NAV3: variants seen among roughly 807,000 people sequenced by gnomAD.
The protein encoded by NAV3 is neuron navigator 3, also known as pore membrane and/or filament interacting like protein 1.
In NAV3, 87 loss-of-function variants were observed where a neutral mutation model predicts 244.7. The observed-to-expected ratio is 0.36, with a 90% CI of 0.30 to 0.42. The LOEUF is 0.42. Ranked by LOEUF, NAV3 falls within the 20% of genes least tolerant of loss-of-function variation. The pLI, the probability that NAV3 is intolerant of heterozygous loss-of-function variation, is 1.00. For synonymous variants in NAV3, 1,126 were observed against 1,042.2 expected (o/e 1.08, Z -1.55); for missense variants, 2,663 against 2,893.3 (o/e 0.92, Z 1.83).
rs1242606469 is a variant in NAV3 at position 77,745,403 on chromosome 12, A to C, written c.72+173137A>C. On this transcript the variant is annotated intron_variant, in intron 2 of 8. Transcript: ENST00000550042. ...AGGAGCAAAGACCAATTGATAGGAC[A>C]GATTGCCTAGGGGAAGACTGGGGGT... Among the ~76,000 whole-genome samples the C allele has an allele frequency of 2.0e-5, 3 of 152,216 alleles. No homozygotes were observed. The East Asian group carries it at 5.8e-4, about 29-fold the overall frequency.
chr12:77,867,089 G>A (rs533283894), intron 1 of NAV3, among the ~76,000 whole-genome samples: 37 of 152,266 alleles, frequency 2.4e-4, no homozygotes, highest in Middle Eastern at 6.8e-3. Context: ...ATGTTTGGCT[G>A]TGTCCTTACC....
At chr12:77,634,859 T>G (rs935432427) in intron 2 of NAV3, among the ~76,000 whole-genome samples, 1 of 152,118 alleles carries the variant, frequency 6.6e-6, no homozygotes, top group Admixed American at 6.6e-5. Context: ...CATTTATATT[T>G]AAGGATTTAT....
chr12:77,946,835 C>T (rs1890392913), intron 3 of NAV3, among the ~76,000 whole-genome samples: 1 of 152,062 alleles, frequency 6.6e-6, no homozygotes, highest in Non-Finnish European at 1.5e-5. Flanking sequence ...AAAGTTGTTT[C>T]AATGACATTT....
intron 2 of NAV3, among the ~76,000 whole-genome samples, chr12:77,709,681 A>G (rs1180407493): frequency 6.6e-6 from 1 of 152,226 alleles, no homozygotes; most frequent in Non-Finnish European, 1.5e-5. Flanking sequence ...ATTACATAAC[A>G]TGCCCATCAT....
At chr12:78,185,357 T>C (rs960106171) in intron 30 of NAV3, among the ~76,000 whole-genome samples, 3 of 151,778 alleles carry the variant, frequency 2.0e-5, no homozygotes, top group Non-Finnish European at 4.4e-5. Flanking sequence ...TCATCTAAAG[T>C]CAGTGAGTGG....
rs904894482 is a variant in NAV3 at position 78,149,041 on chromosome 12, G to C, written c.4785+122G>C. The C allele has an allele frequency of 7.6e-6, 6 of 788,232 alleles. No homozygotes were observed. The Admixed American group carries it at 1.1e-4, about 15-fold the overall frequency. The allele number at this position is 788,232 out of a possible 1,614,324, so 48.8% of individuals were successfully genotyped here. On this transcript the variant is annotated intron_variant, in intron 22 of 39. Transcript: ENST00000397909. ...ACAGACTTAGATTACCAACTAGCAG[G>C]ACTCATAAAAAGTTAACATTTTTTG...
intron 1 of NAV3, among the ~76,000 whole-genome samples, chr12:77,859,450 G>A (rs1686359703): frequency 6.6e-6 from 1 of 151,882 alleles, no homozygotes; most frequent in Admixed American, 6.6e-5. Context: ...AAGGTTTTAT[G>A]ACAGTAATTT....
In NAV3 at chr12:77,763,989, C is replaced by T. The variant is rs988419397; in HGVS notation, c.73-176330C>T. ...CGAGGCCTGGGATCCAGGAGAGGGG[C>T]CTCGTTTTCCTGGTTGTGAAGGGGA... On this transcript the variant is annotated intron_variant, in intron 2 of 8. Transcript: ENST00000550042. 2.0e-5 allele frequency among the ~76,000 whole-genome samples: 3 copies of T among 152,174 alleles called. No individual in the cohort carries two copies. The South Asian group carries it at 6.2e-4, about 32-fold the overall frequency.
chr12:77,794,894 G>A (rs527657083), intron 2 of NAV3, among the ~76,000 whole-genome samples: 5 of 152,210 alleles, frequency 3.3e-5, no homozygotes, highest in East Asian at 1.9e-4. Context: ...TCCACCAATC[G>A]GCCATTTCCC....
rs2136562089 is a variant in NAV3, at chr12:78,006,607, A to C, written c.1069A>C (p.Thr357Pro). The C allele has an allele frequency of 6.2e-7, 1 of 1,613,508 alleles. No homozygotes were observed. The highest frequency in any genetic ancestry group is 8.5e-7 in the Non-Finnish European group (1 of 1,179,912). ...GACTGTAAAGCAGTCAAGTACAGCC[A>C]CCTCCCCCACACCATCTTCAGACAG... ...MLTVKQSSTA[T>P]SPTPSSDRLK... The change falls in exon 8 of 40, where the codon ACC (threonine) becomes CCC (proline). Residue 357 changes from threonine (T) to proline (P), a missense_variant. Thr to Pro is a conservative substitution (Grantham distance 38). Around this residue, in one of 6 missense-constraint regions of NAV3, gnomAD observed 1,521 missense variants for 1,497.0 expected, o/e 1.02. Transcript: ENST00000397909.
At chr12:77,672,994 C>T (rs1592567470) in intron 2 of NAV3, among the ~76,000 whole-genome samples, 10 of 151,822 alleles carry the variant, frequency 6.6e-5, no homozygotes, top group Admixed American at 6.6e-4. Context: ...CCACTTTTTT[C>T]GTGATATGTA....
intron 1 of NAV3, among the ~76,000 whole-genome samples, chr12:77,862,657 G>T (rs1407834170): frequency 6.6e-6 from 1 of 151,720 alleles, no homozygotes; most frequent in African/African-American, 2.4e-5. Flanking sequence ...TTATAAAAAA[G>T]GGAGCATCAT....
intron 2 of NAV3, among the ~76,000 whole-genome samples, chr12:77,709,025 C>T (rs148548819): frequency 8.9e-4 from 136 of 152,300 alleles, no homozygotes; most frequent in African/African-American, 3.1e-3. Flanking sequence ...ATTTGACTTC[C>T]TCTTTTCCTA....
intron 2 of NAV3, among the ~76,000 whole-genome samples, chr12:77,700,701 C>T (rs1875522941): frequency 6.6e-6 from 1 of 151,876 alleles, no homozygotes; most frequent in Non-Finnish European, 1.5e-5. Flanking sequence ...AATGAATGTT[C>T]TTTCTCAGAT....
intron 9 of NAV3, among the ~76,000 whole-genome samples, chr12:78,044,217 G>A (rs561244256): frequency 2.4e-4 from 37 of 152,194 alleles, no homozygotes; most frequent in Admixed American, 4.6e-4. Context: ...TGTGTGTCAG[G>A]TTTGTCAAAG....
chr12:77,746,867 A>G (rs893288616), intron 2 of NAV3, among the ~76,000 whole-genome samples: 9 of 152,132 alleles, frequency 5.9e-5, no homozygotes, highest in African/African-American at 1.9e-4. Flanking sequence ...CTGTGTTACT[A>G]TTTCTACTTC....
At chr12:78,021,380 G>A (rs979412899) in intron 8 of NAV3, among the ~76,000 whole-genome samples, 10 of 152,022 alleles carry the variant, frequency 6.6e-5, no homozygotes, top group African/African-American at 1.4e-4. Flanking sequence ...AGAATTTTAG[G>A]TGTGATTTTA....
intron 18 of NAV3, among the ~76,000 whole-genome samples, chr12:78,132,089 G>A (rs1956189889): frequency 1.3e-5 from 2 of 152,096 alleles, no homozygotes. Context: ...GCTAAGATTT[G>A]CATAAATTAA....
At chr12:77,744,643 G>A (rs1253005799) in intron 2 of NAV3, among the ~76,000 whole-genome samples, 1 of 151,838 alleles carries the variant, frequency 6.6e-6, no homozygotes, top group African/African-American at 2.4e-5. Context: ...TTAATCAGTG[G>A]ACGCATATAT....
Sources: allele counts gnomAD v4.1 joint callset (sites outside exome capture counted in the v4.1 genomes callset), GRCh38; gene constraint gnomAD v4.1.1; regional missense constraint gnomAD v4.1.1; transcripts MANE v1.5; gene names NCBI Gene and HGNC (gene_info 2026-07-23, HGNC 2026-07-21).